The following PCDH15 variants were observed in gnomAD, a reference collection of about 807,000 sequenced individuals.
PCDH15 encodes protocadherin related 15, also known as protocadherin-15.
Under a neutral mutation model 178.5 loss-of-function variants are expected in PCDH15, and 129 were observed. The observed-to-expected ratio is 0.72, with a 90% confidence interval of 0.63 to 0.84. The LOEUF (loss-of-function observed/expected upper bound fraction) is 0.84. Among genes scored for constraint, PCDH15 ranks in the 40% least tolerant of loss-of-function variants. The probability of loss-of-function intolerance (pLI) is 0.00; values close to 1 mark genes in which losing one functional copy is unlikely to be tolerated. For synonymous variants in PCDH15, 800 were observed against 732.0 expected (o/e 1.09, Z -1.50); for missense variants, 2,230 against 2,099.9 (o/e 1.06, Z -1.21).
intron 1 of PCDH15, among the ~76,000 whole-genome samples, chr10:55,313,305 CT>C (rs1843637075): frequency 6.6e-6 from 1 of 152,176 alleles, no homozygotes; most frequent in South Asian, 2.1e-4. Context: ...TGGTTCCCTT[CT>C]TTTCTGCAGC....
At chr10:54,337,110 G>A (rs951788664) in intron 6 of PCDH15, among the ~76,000 whole-genome samples, 2 of 150,418 alleles carry the variant, frequency 1.3e-5, no homozygotes, top group Non-Finnish European at 3.0e-5. Flanking sequence ...CATTTGGAAT[G>A]TATATATATA....
intron 1 of PCDH15, among the ~76,000 whole-genome samples, chr10:54,776,254 G>A (rs1056742030): frequency 6.6e-6 from 1 of 152,026 alleles, no homozygotes. Context: ...ATTTCTCTTC[G>A]ATGTACTGAT....
intron 3 of PCDH15, among the ~76,000 whole-genome samples, chr10:54,477,348 C>T (rs1473122113): frequency 6.6e-6 from 1 of 152,140 alleles, no homozygotes; most frequent in East Asian, 1.9e-4. Context: ...AGGAAGCCCT[C>T]CTGGATCCTT....
intron 2 of PCDH15, among the ~76,000 whole-genome samples, chr10:55,452,406 T>C (rs554619908): frequency 4.5e-4 from 69 of 152,252 alleles, no homozygotes; most frequent in Middle Eastern, 3.4e-3. Context: ...GAGTACAGTA[T>C]TTGTCCCATC....
intron 27 of PCDH15, among the ~76,000 whole-genome samples, chr10:53,858,897 TTTTTG>T (rs1408397455): frequency 1.3e-5 from 2 of 152,084 alleles, no homozygotes; most frequent in Non-Finnish European, 2.9e-5. Flanking sequence ...ATAGAAATAT[TTTTTG>T]TTTTATTGTT....
In PCDH15 at chr10:53,940,870, T is replaced by C. The variant is rs1437741307; in HGVS notation, c.3228A>G (p.Glu1076=). 2 of 1,608,084 alleles carry C rather than the reference T, an allele frequency of 1.2e-6. No homozygotes were observed. The highest frequency in any genetic ancestry group is 2.2e-5 in the South Asian group (2 of 90,952). The change falls in exon 24 of 38, where the codon GAA becomes GAG. Residue 1076 remains glutamate (E), a synonymous_variant. Transcript: ENST00000644397. ...ACAAACTAAAAGTCTACTCACCTTC[T>C]TCATTTCCTGAAACAATGGAGTACA... The part of the protein sequence containing the change: ...SIVYSIVSGN[E]EDTFGINNIT...
At chr10:54,158,988 G>T (rs2045442455) in intron 13 of PCDH15, among the ~76,000 whole-genome samples, 1 of 151,626 alleles carries the variant, frequency 6.6e-6, no homozygotes, top group African/African-American at 2.4e-5. Context: ...AGCACATGTA[G>T]TCCCAGTGTT....
At chr10:55,123,032 G>T (rs950716989) in intron 2 of PCDH15, among the ~76,000 whole-genome samples, 45 of 151,928 alleles carry the variant, frequency 3.0e-4, no homozygotes, top group Non-Finnish European at 1.0e-4. Flanking sequence ...TCAATACAGA[G>T]AGAAAATGCT....
intron 5 of PCDH15, 115 bp from the exon 6 acceptor site, chr10:54,346,599 C>T: frequency 8.5e-7 from 1 of 1,172,186 alleles, no homozygotes; most frequent in Non-Finnish European, 1.3e-6. Flanking sequence ...AGTTGGCAGC[C>T]CACAACCACA....
intron 18 of PCDH15, among the ~76,000 whole-genome samples, chr10:54,049,343 A>G (rs1381708513): frequency 1.3e-5 from 2 of 152,030 alleles, no homozygotes; most frequent in Non-Finnish European, 2.9e-5. Flanking sequence ...TTCTGTTCCT[A>G]CTTGGATGTC....
At chr10:55,578,151 G>A (rs140671933) in intron 2 of PCDH15, among the ~76,000 whole-genome samples, 54 of 151,988 alleles carry the variant, frequency 3.6e-4, no homozygotes, top group South Asian at 6.2e-4. Context: ...ATTAAGCCAG[G>A]TTGAAAGTTC....
chr10:54,377,531 T>C lies in PCDH15; in HGVS notation c.318+1251A>G, dbSNP rs1785369899. Among the ~76,000 whole-genome samples, 6 of 152,152 alleles carry C rather than the reference T, an allele frequency of 3.9e-5. 1 individual carries two copies. The highest frequency in any genetic ancestry group is 3.3e-4 in the Admixed American group (5 of 15,258). ...AAGTAATAAAGCACATAGTAAACTG[T>C]AGTAAAATAAGAGGCAAATTGAGAT... On this transcript the variant is annotated intron_variant, in intron 4 of 37. Coordinates refer to ENST00000644397, the MANE Select transcript of PCDH15 (RefSeq NM_001384140.1).
At chr10:55,138,524 T>G (rs1838264962) in intron 2 of PCDH15, among the ~76,000 whole-genome samples, 1 of 152,084 alleles carries the variant, frequency 6.6e-6, no homozygotes, top group South Asian at 2.1e-4. Context: ...CTGTAGGAGC[T>G]CCCTTGCCCT....
intron 3 of PCDH15, among the ~76,000 whole-genome samples, chr10:54,809,720 A>C (rs994194558): frequency 6.6e-6 from 1 of 152,192 alleles, no homozygotes; most frequent in Non-Finnish European, 1.5e-5. Flanking sequence ...AGGCATGAAC[A>C]AAGCATGTAA....
At chr10:54,067,036 A>C (rs2094148440) in intron 17 of PCDH15, 151 bp from the exon 18 acceptor site, 1 of 650,950 alleles carries the variant, frequency 1.5e-6, no homozygotes, top group Admixed American at 3.8e-5. Flanking sequence ...AAAAAATAAA[A>C]AAATTAAAAA....
chr10:54,352,109 T>C (rs1013157049), intron 5 of PCDH15, among the ~76,000 whole-genome samples: 1 of 152,298 alleles, frequency 6.6e-6, no homozygotes, highest in Admixed American at 6.5e-5. Context: ...TCATATTTTC[T>C]GGAGTCTCAT....
intron 2 of PCDH15, among the ~76,000 whole-genome samples, chr10:55,578,008 T>C (rs1203436509): frequency 1.3e-5 from 2 of 152,002 alleles, no homozygotes; most frequent in Non-Finnish European, 2.9e-5. Context: ...ACCATAACAA[T>C]TGAAAGTGAA....
At chr10:53,912,866 C>T (rs965728087) in intron 25 of PCDH15, among the ~76,000 whole-genome samples, 1 of 152,098 alleles carries the variant, frequency 6.6e-6, no homozygotes, top group African/African-American at 2.4e-5. Context: ...GCCATACTGC[C>T]CAAGGTAACT....
At chr10:55,334,238 ATATATGTGTGTGTGTGTGTGTG>A (rs1844300777) in intron 2 of PCDH15, among the ~76,000 whole-genome samples, 2 of 97,310 alleles carry the variant, frequency 2.1e-5, no homozygotes, top group Admixed American at 2.0e-4. Flanking sequence ...ATATATATAT[ATATATGTGTGTGTGTGTGTGTG>A]TGTGTGTGTG....
Sources: gnomAD v4.1 joint callset for allele counts (sites outside exome capture counted in the v4.1 genomes callset) on GRCh38, gnomAD v4.1.1 for gene constraint, MANE v1.5 for transcripts, NCBI Gene and HGNC (gene_info 2026-07-23, HGNC 2026-07-21) for gene names.